Variants in LITAF observed in about 807,000 individuals in gnomAD.
LITAF encodes the protein lipopolysaccharide-induced tumor necrosis factor-alpha factor.
In LITAF, 9 loss-of-function variants were observed where a neutral mutation model predicts 14.5. That is an observed-to-expected ratio of 0.62 (90% confidence interval 0.37 to 1.08). The LOEUF (loss-of-function observed/expected upper bound fraction) is 1.08. LITAF is among the 50% of genes least tolerant of loss of function. LITAF has a pLI of 0.01. For missense variants in LITAF, 206 were observed against 213.4 expected (o/e 0.97, Z 0.22); for synonymous variants, 98 against 88.2 (o/e 1.11, Z -0.62).
intron 3 of LITAF, among the ~76,000 whole-genome samples, chr16:11,614,501 T>G (rs754981879): frequency 2.2e-4 from 33 of 152,076 alleles, no homozygotes; most frequent in Admixed American, 6.6e-5. Flanking sequence ...GGTTTCACCA[T>G]GTTGGCCAGG....
At chr16:11,590,915 T>G (rs545531079), upstream of LITAF, among the ~76,000 whole-genome samples, 5 of 116,044 alleles carry the variant, frequency 4.3e-5, 1 homozygote, top group Admixed American at 8.5e-5. Flanking sequence ...GTATTTTTAG[T>G]AGAGACAGAG....
At chr16:11,610,870 G>GA (rs2064978740) in intron 3 of LITAF, among the ~76,000 whole-genome samples, 1 of 152,086 alleles carries the variant, frequency 6.6e-6, no homozygotes, top group South Asian at 2.1e-4. Context: ...GGGGAAATGT[G>GA]AATCAGTGGC....
rs563439748 is a variant in LITAF at position 11,555,003 on chromosome 16, G to A, written c.221-1314C>T. On this transcript the variant is annotated intron_variant, in intron 2 of 3. Coordinates refer to ENST00000622633, the MANE Select transcript of LITAF (RefSeq NM_001136472.2). ...GAAAGACCCTCCTTCCAGAAAAGTA[G>A]TATTAAATCATACTTTAGCACTTAC... Among the ~76,000 whole-genome samples the A allele has an allele frequency of 1.4e-4, 21 of 152,140 alleles. No homozygotes were observed. In the East Asian group the frequency reaches 3.5e-3, roughly 25 times the overall value.
intron 3 of LITAF, among the ~76,000 whole-genome samples, chr16:11,622,109 G>A (rs982445740): frequency 1.3e-5 from 2 of 152,352 alleles, no homozygotes; most frequent in African/African-American, 4.8e-5. Context: ...GGTGGAGGCA[G>A]TGGGGATGTG....
At chr16:11,588,929 G>C (rs1478482147), upstream of LITAF, among the ~76,000 whole-genome samples, 1 of 149,854 alleles carries the variant, frequency 6.7e-6, no homozygotes, top group East Asian at 2.0e-4. Flanking sequence ...CCTGTAAAAA[G>C]CAGTAGTAAG....
At chr16:11,637,966 C>CTA (rs1176708375), upstream of LITAF, among the ~76,000 whole-genome samples, 119 of 30,780 alleles carry the variant, frequency 3.9e-3, 10 homozygotes, top group African/African-American at 0.032. Context: ...CTATATATAT[C>CTA]TATATATCTA....
chr16:11,629,552 G>A (rs1290149311), intron 3 of LITAF, among the ~76,000 whole-genome samples: 1 of 152,090 alleles, frequency 6.6e-6, no homozygotes, highest in African/African-American at 2.4e-5. Context: ...GCCAAGAAGG[G>A]TGGGTGAGGG....
upstream of LITAF, chr16:11,598,592 T>A (rs2064907736): frequency 6.6e-6 from 1 of 152,078 alleles, no homozygotes; most frequent in Non-Finnish European, 1.5e-5. Context: ...TAACCGGGGC[T>A]TACGGTGCAG....
intron 3 of LITAF, chr16:11,633,525 A>G (rs1267413358): frequency 6.6e-6 from 1 of 152,182 alleles, no homozygotes; most frequent in African/African-American, 2.4e-5. Flanking sequence ...ACGCCGGCCA[A>G]AACTCACCAA....
At chr16:11,565,775 C>G (rs2064442805) in intron 1 of LITAF, among the ~76,000 whole-genome samples, 1 of 150,988 alleles carries the variant, frequency 6.6e-6, no homozygotes, top group Admixed American at 6.6e-5. Context: ...CGGGCATGCT[C>G]TTTCTTCCGT....
intron 1 of LITAF, among the ~76,000 whole-genome samples, chr16:11,583,958 T>G (rs2141836369): frequency 6.6e-6 from 1 of 152,274 alleles, no homozygotes; most frequent in South Asian, 2.1e-4. Context: ...AAGGGACAAC[T>G]TCATTAGCTA....
chr16:11,566,357 G>A (rs2064450824), intron 1 of LITAF, among the ~76,000 whole-genome samples: 1 of 152,144 alleles, frequency 6.6e-6, no homozygotes, highest in Non-Finnish European at 1.5e-5. Flanking sequence ...CTAAATCTAG[G>A]AAAGTCTCAG....
At chr16:11,559,991 T>C (rs565319864) in intron 1 of LITAF, among the ~76,000 whole-genome samples, 29 of 150,102 alleles carry the variant, frequency 1.9e-4, no homozygotes, top group African/African-American at 6.6e-4. Context: ...AATAAATAAA[T>C]AAAAACAAAA....
exon 2 of LITAF, chr16:11,635,921 A>C (rs2065136313): frequency 6.6e-6 from 1 of 152,280 alleles, no homozygotes; most frequent in Non-Finnish European, 1.5e-5. Flanking sequence ...GCACAAAGAC[A>C]CGGGGTATTT....
intron 3 of LITAF, among the ~76,000 whole-genome samples, chr16:11,552,585 C>T (rs1426951539): frequency 6.6e-6 from 1 of 152,130 alleles, no homozygotes; most frequent in Non-Finnish European, 1.5e-5. Context: ...CAGCTGGAAG[C>T]AGCTGTGAAG....
intron 1 of LITAF, among the ~76,000 whole-genome samples, chr16:11,594,577 A>G (rs1220661449): frequency 6.6e-6 from 1 of 152,198 alleles, no homozygotes; most frequent in Non-Finnish European, 1.5e-5. Flanking sequence ...GTTTCCAAGG[A>G]AAAAGAATGC....
chr16:11,577,813 C>T (rs111490769), intron 1 of LITAF, among the ~76,000 whole-genome samples: 1,721 of 152,242 alleles, frequency 0.011, 35 homozygotes, highest in African/African-American at 0.04. Context: ...TGGCCTCAGC[C>T]TCCTGGGCTC....
rs200709345 is a variant in LITAF, at chr16:11,553,678, T to A, written c.232A>T (p.Thr78Ser). The A allele has an allele frequency of 3.1e-6, 5 of 1,614,136 alleles. No homozygotes were observed. The highest frequency in any genetic ancestry group is 4.2e-6 in the Non-Finnish European group (5 of 1,180,020). Residue 78 changes from threonine to serine, a missense_variant, in exon 3 of 4, where the codon ACG becomes TCG. Thr to Ser is a moderately conservative substitution (Grantham distance 58). Transcript: ENST00000622633. The surrounding 1 kb of genome is among the most constrained non-coding windows in gnomAD (Gnocchi z 7.7). ...GTGATGGGGTGCTGCACGTAGACCG[T>A]CTGCACGGTAACTGATGAAAGGGAG... The part of the protein sequence containing the change: ...IPNNNPITVQ[T>S]VYVQHPITFL...
chr16:11,592,436 C>T (rs545393426), intron 1 of LITAF, among the ~76,000 whole-genome samples: 5 of 151,854 alleles, frequency 3.3e-5, no homozygotes, highest in Non-Finnish European at 7.4e-5. Context: ...ATTAGCCAGG[C>T]ATGGTGACAG....
Sources: gnomAD v4.1 joint callset for allele counts (sites outside exome capture counted in the v4.1 genomes callset) on GRCh38, gnomAD v4.1.1 for gene constraint, Gnocchi (gnomAD v3.1) non-coding constraint, MANE v1.5 for transcripts, NCBI Gene and HGNC (gene_info 2026-07-23, HGNC 2026-07-21) for gene names.